RBFOX1: variants seen among roughly 807,000 people sequenced by gnomAD.
RBFOX1 encodes the protein RNA binding protein fox-1 homolog 1.
Under a neutral mutation model 57.7 loss-of-function variants are expected in RBFOX1, and 8 were observed. That is an observed-to-expected ratio of 0.14 (90% CI 0.08 to 0.25). RBFOX1 has a LOEUF of 0.25. Among genes scored for constraint, RBFOX1 ranks in the 10% least tolerant of loss-of-function variants. The probability of loss-of-function intolerance (pLI) is 1.00; values close to 1 mark genes in which losing one functional copy is unlikely to be tolerated. For missense variants in RBFOX1, 611 were observed against 548.5 expected (o/e 1.11, Z -1.14); for synonymous variants, 326 against 222.4 (o/e 1.47, Z -4.15).
intron 3 of RBFOX1, among the ~76,000 whole-genome samples, chr16:6,664,906 G>A (rs539133534): frequency 6.6e-6 from 1 of 152,286 alleles, no homozygotes; most frequent in Admixed American, 6.5e-5. Flanking sequence ...ATTCCTGTCT[G>A]TCCACAGCTG....
chr16:7,403,116 T>C (rs1379613048), intron 4 of RBFOX1, among the ~76,000 whole-genome samples: 1 of 152,184 alleles, frequency 6.6e-6, no homozygotes, highest in Non-Finnish European at 1.5e-5. Context: ...AATTAACAAA[T>C]ATAAATTATG....
chr16:7,703,169 A>C (rs1485843475), intron 14 of RBFOX1, among the ~76,000 whole-genome samples: 1 of 152,154 alleles, frequency 6.6e-6, no homozygotes, highest in African/African-American at 2.4e-5. Flanking sequence ...GCATGGATTC[A>C]TTTTTCCAAA....
chr16:7,575,057 G>A (rs185872786), intron 5 of RBFOX1, among the ~76,000 whole-genome samples: 3 of 151,584 alleles, frequency 2.0e-5, no homozygotes, highest in South Asian at 2.1e-4. Context: ...ATTTGGGGGG[G>A]GCTGTGGGGG....
chr16:6,976,938 A>G (rs1387128975), intron 3 of RBFOX1, among the ~76,000 whole-genome samples: 2 of 147,502 alleles, frequency 1.4e-5, no homozygotes, highest in Non-Finnish European at 3.0e-5. Flanking sequence ...TATATATATC[A>G]TATACTATAT....
chr16:6,778,961 A>G (rs1006645381), intron 3 of RBFOX1, among the ~76,000 whole-genome samples: 1 of 152,070 alleles, frequency 6.6e-6, no homozygotes, highest in African/African-American at 2.4e-5. Flanking sequence ...GATCAAATCA[A>G]GGTAATTGAA....
At chr16:6,947,670 G>C (rs2079836381) in intron 3 of RBFOX1, among the ~76,000 whole-genome samples, 1 of 152,128 alleles carries the variant, frequency 6.6e-6, no homozygotes, top group Admixed American at 6.5e-5. Context: ...TTATCTCCTT[G>C]GGAAAGCTAT....
At chr16:6,458,236 C>G (rs1204276085) in intron 2 of RBFOX1, among the ~76,000 whole-genome samples, 3 of 151,822 alleles carry the variant, frequency 2.0e-5, no homozygotes, top group African/African-American at 7.3e-5. Flanking sequence ...AGTTTTTTAC[C>G]TTGCTGGCAT....
intron 1 of RBFOX1, among the ~76,000 whole-genome samples, chr16:5,246,345 C>T (rs1244209867): frequency 2.0e-5 from 3 of 152,004 alleles, no homozygotes; most frequent in Non-Finnish European, 2.9e-5. Context: ...ATTGAATTGA[C>T]AAAAAGTATG....
At chr16:7,058,446 C>A (rs2053168149) in intron 4 of RBFOX1, among the ~76,000 whole-genome samples, 2 of 152,160 alleles carry the variant, frequency 1.3e-5, no homozygotes, top group South Asian at 2.1e-4. Context: ...GGAGCTACGC[C>A]TACTGAGATA....
At chr16:7,702,101 C>G (rs1432921199) in intron 14 of RBFOX1, among the ~76,000 whole-genome samples, 1 of 152,086 alleles carries the variant, frequency 6.6e-6, no homozygotes, top group African/African-American at 2.4e-5. Flanking sequence ...CCATAATTAC[C>G]CCAACATTTT....
intron 4 of RBFOX1, chr16:7,333,176 T>C (rs559727570): frequency 7.8e-7 from 1 of 1,281,844 alleles, no homozygotes; most frequent in African/African-American, 1.5e-5. Flanking sequence ...AAGCAAACAC[T>C]TTTAATACAG....
chr16:5,683,288 C>A (rs950256121), intron 3 of RBFOX1, among the ~76,000 whole-genome samples: 12 of 152,116 alleles, frequency 7.9e-5, no homozygotes, highest in African/African-American at 1.2e-4. Flanking sequence ...CTTGCCAATG[C>A]CCAGGTTTAA....
At chr16:5,828,828 G>C (rs975442808) in intron 3 of RBFOX1, among the ~76,000 whole-genome samples, 34 of 152,144 alleles carry the variant, frequency 2.2e-4, no homozygotes, top group African/African-American at 8.2e-4. Flanking sequence ...GAGTAAGGTG[G>C]CTGGATGCAT....
chr16:5,709,198 G>A (rs1031438305), intron 3 of RBFOX1, among the ~76,000 whole-genome samples: 1 of 152,164 alleles, frequency 6.6e-6, no homozygotes, highest in African/African-American at 2.4e-5. Flanking sequence ...AGATAGATTA[G>A]AAAATGGGCT....
chr16:5,323,637 G>C (rs1458752643), intron 1 of RBFOX1, among the ~76,000 whole-genome samples: 1 of 152,236 alleles, frequency 6.6e-6, no homozygotes, highest in African/African-American at 2.4e-5. Context: ...GGATGTGCTG[G>C]AAGCTCTGAA....
intron 4 of RBFOX1, among the ~76,000 whole-genome samples, chr16:7,193,935 A>C (rs2086054982): frequency 6.6e-6 from 1 of 152,050 alleles, no homozygotes; most frequent in Non-Finnish European, 1.5e-5. Flanking sequence ...AAAATATAGT[A>C]GCATCTATCT....
At position 6,854,368 on chromosome 16, in the gene RBFOX1, G is replaced by T. The variant is rs1051427910; in HGVS notation, c.-15-197689G>T. 1.3e-4 allele frequency among the ~76,000 whole-genome samples: 20 copies of T among 152,134 alleles called. No homozygotes were observed. In the East Asian group the frequency reaches 3.9e-3, roughly 29 times the overall value. On this transcript the variant is annotated intron_variant, in intron 3 of 15. Coordinates refer to ENST00000550418, the MANE Select transcript of RBFOX1 (RefSeq NM_018723.4). ...CTATGAAGAGGAAAGGGCTTAAGGG[G>T]TTAATTATTAAAAAGCTTATCTAAG...
chr16:6,367,075 G>A (rs1426239711), intron 2 of RBFOX1, among the ~76,000 whole-genome samples: 1 of 152,120 alleles, frequency 6.6e-6, no homozygotes, highest in Non-Finnish European at 1.5e-5. Flanking sequence ...TGTAGCTCCT[G>A]CCTGAGCTTT....
chr16:6,480,830 A>G (rs1394041836), intron 2 of RBFOX1, among the ~76,000 whole-genome samples: 1 of 152,110 alleles, frequency 6.6e-6, no homozygotes, highest in African/African-American at 2.4e-5. Context: ...CTACATATTC[A>G]TGTCTATATA....
Sources: allele counts gnomAD v4.1 joint callset (sites outside exome capture counted in the v4.1 genomes callset), GRCh38; gene constraint gnomAD v4.1.1; transcripts MANE v1.5; gene names NCBI Gene and HGNC (gene_info 2026-07-23, HGNC 2026-07-21).